CSGALNACT1: variants seen among roughly 807,000 people sequenced by gnomAD.
The protein encoded by CSGALNACT1 is chondroitin sulfate N-acetylgalactosaminyltransferase 1.
A neutral mutation model predicts 51.0 loss-of-function variants in CSGALNACT1; 52 were observed. The ratio of observed to expected loss-of-function variants is 1.02; its 90% CI spans 0.82 to 1.29. The LOEUF (loss-of-function observed/expected upper bound fraction) is 1.29. CSGALNACT1 is among the 50% of genes most tolerant of loss of function. The pLI, the probability that CSGALNACT1 is intolerant of heterozygous loss-of-function variation, is 0.00. For synonymous variants in CSGALNACT1, 341 were observed against 254.4 expected (o/e 1.34, Z -3.24); for missense variants, 935 against 679.2 (o/e 1.38, Z -4.19).
At chr8:19,450,886 G>A (rs1366521256) in intron 5 of CSGALNACT1, among the ~76,000 whole-genome samples, 2 of 151,632 alleles carry the variant, frequency 1.3e-5, no homozygotes, top group African/African-American at 4.9e-5. Context: ...CACCAGACTG[G>A]GCTACTGAGC....
chr8:19,406,030 T>C, exon 10 of CSGALNACT1: 5 of 1,614,198 alleles, frequency 3.1e-6, no homozygotes, highest in Non-Finnish European at 4.2e-6. Context: ...AAGGTGCACA[T>C]CCTCTCCGCC....
rs1196049691 is a variant in CSGALNACT1, at chr8:19,757,210, G to C, written c.-297+640C>G. On this transcript the variant is annotated intron_variant, in intron 1 of 1. Coordinates refer to the CSGALNACT1 transcript ENST00000517494. This position sits in a 1 kb window ranked among gnomAD's most constrained non-coding sequence, Gnocchi z 4.0. Reference sequence around the variant, plus strand: ...CCCGAAGCGCCCTGCTAGCTGCCCGGCCCGGCTCCGGCCGCTGCCGCCGTC... The same window carrying C: ...CCCGAAGCGCCCTGCTAGCTGCCCGCCCCGGCTCCGGCCGCTGCCGCCGTC... 6.7e-6 allele frequency: 1 copy of C among 149,686 alleles called. No homozygotes were observed. Among genetic ancestry groups the C allele is most frequent in the African/African-American group, 2.4e-5 (1 of 41,194 alleles). The allele number at this position is 149,686 out of a possible 1,614,324, so 9.3% of individuals were successfully genotyped here.
intron 1 of CSGALNACT1, among the ~76,000 whole-genome samples, chr8:19,709,568 G>A (rs1465052386): frequency 6.6e-6 from 1 of 152,186 alleles, no homozygotes; most frequent in African/African-American, 2.4e-5. Context: ...TTCCTACAGA[G>A]GGAACAGCAA....
At chr8:19,429,697 G>A (rs974541549) in intron 6 of CSGALNACT1, among the ~76,000 whole-genome samples, 6 of 152,216 alleles carry the variant, frequency 3.9e-5, no homozygotes, top group Non-Finnish European at 8.8e-5. Flanking sequence ...TTCATGTACA[G>A]TTATTTGTTT....
rs1441824144 is a variant in CSGALNACT1 at position 19,406,624 on chromosome 8, A to T, written c.1310-555T>A. Among the ~76,000 whole-genome samples the T allele has an allele frequency of 3.8e-4, 8 of 21,262 alleles. No individual in the cohort carries two copies. The East Asian group carries it at 0.039, about 105-fold the overall frequency. 13.9% of individuals were successfully genotyped at this position (21,262 alleles called of 152,430 possible). ...TAATAATTAAAAATAGAGGTTTCGT[A>T]AAAAAAAAAAAAAAAAAAAAAAAAA... On this transcript the variant is annotated intron_variant, in intron 9 of 9. Transcript: ENST00000454498.
At position 19,505,049 on chromosome 8, in the gene CSGALNACT1, G is replaced by C. The variant is rs117194398; in HGVS notation, c.634+152C>G. 6.0e-3 allele frequency: 4,508 copies of C among 747,434 alleles called. 26 individuals are homozygous for C. The highest frequency in any genetic ancestry group is 8.3e-3 in the Non-Finnish European group (3,640 of 439,696). The allele number at this position is 747,434 out of a possible 1,614,324, so 46.3% of individuals were successfully genotyped here. On this transcript the variant is annotated intron_variant, in intron 4 of 9. Transcript: ENST00000454498. ...AACAGATGTTTCTGAAAAATAAAAA[G>C]CCATGCCGTACCTTTTGGTGTCACA...
chr8:19,412,069 G>A (rs997815337), intron 8 of CSGALNACT1, among the ~76,000 whole-genome samples: 3 of 152,272 alleles, frequency 2.0e-5, no homozygotes, highest in African/African-American at 4.8e-5. Context: ...CTGACCTCAG[G>A]TGATCCACCT....
At chr8:19,605,155 C>T (rs1588976230), upstream of CSGALNACT1, among the ~76,000 whole-genome samples, 1 of 152,282 alleles carries the variant, frequency 6.6e-6, no homozygotes, top group East Asian at 1.9e-4. Flanking sequence ...TCCAGGAAAG[C>T]GACTGCAGTT....
At chr8:19,579,090 C>T (rs2044968782) in intron 3 of CSGALNACT1, among the ~76,000 whole-genome samples, 1 of 152,312 alleles carries the variant, frequency 6.6e-6, no homozygotes, top group East Asian at 1.9e-4. Context: ...CTATCCACCA[C>T]ACCCAGTCCA....
At chr8:19,575,647 G>T (rs2044028781) in intron 3 of CSGALNACT1, among the ~76,000 whole-genome samples, 1 of 152,194 alleles carries the variant, frequency 6.6e-6, no homozygotes, top group East Asian at 1.9e-4. Context: ...AGGATACTGA[G>T]AAATTTTGTT....
At chr8:19,755,454 G>GGCAAAAAAAGAAAAAAAAA (rs2065296626) in intron 1 of CSGALNACT1, among the ~76,000 whole-genome samples, 1 of 8,358 alleles carries the variant, frequency 1.2e-4, no homozygotes, top group Non-Finnish European at 2.8e-4. Flanking sequence ...TGTAAAGAAA[G>GGCAAAAAAAGAAAAAAAAA]ACAAAAAAAA....
chr8:19,546,097 A>T (rs974006966), intron 3 of CSGALNACT1, among the ~76,000 whole-genome samples: 4 of 152,076 alleles, frequency 2.6e-5, no homozygotes, highest in African/African-American at 9.7e-5. Context: ...TTTTATAAGG[A>T]AACAAGACTC....
At chr8:19,694,369 C>T (rs910954788) in intron 1 of CSGALNACT1, among the ~76,000 whole-genome samples, 2 of 152,214 alleles carry the variant, frequency 1.3e-5, no homozygotes, top group Non-Finnish European at 2.9e-5. Flanking sequence ...ACCCTCATTT[C>T]AAGTCTCGCA....
chr8:19,631,456 C>CTAAAA (rs756801008), intron 1 of CSGALNACT1, among the ~76,000 whole-genome samples: 2 of 152,132 alleles, frequency 1.3e-5, no homozygotes, highest in Non-Finnish European at 2.9e-5. Context: ...CTTTTCTAGA[C>CTAAAA]TAAAATAGAA....
chr8:19,712,497 A>T (rs1237149660), intron 1 of CSGALNACT1, among the ~76,000 whole-genome samples: 1 of 151,984 alleles, frequency 6.6e-6, no homozygotes, highest in African/African-American at 2.4e-5. Flanking sequence ...GCCACTGAGT[A>T]CTCTCTTCCT....
chr8:19,527,826 T>C (rs541276735), intron 3 of CSGALNACT1, among the ~76,000 whole-genome samples: 11 of 152,170 alleles, frequency 7.2e-5, no homozygotes, highest in Admixed American at 5.2e-4. Context: ...CTCAAGTGCC[T>C]CTGAAGCATC....
chr8:19,472,835 T>A (rs1412710750), intron 4 of CSGALNACT1, among the ~76,000 whole-genome samples: 3 of 152,226 alleles, frequency 2.0e-5, no homozygotes, highest in Non-Finnish European at 4.4e-5. Context: ...TTCATTGATA[T>A]CAATTTCTTT....
At chr8:19,649,818 G>GAAAA (rs1564347327) in intron 1 of CSGALNACT1, among the ~76,000 whole-genome samples, 1 of 1,554 alleles carries the variant, frequency 6.4e-4, no homozygotes. Flanking sequence ...ATTCCAAGTA[G>GAAAA]CAAAAAAAAA....
At chr8:19,510,132 G>T (rs1347309874) in intron 3 of CSGALNACT1, among the ~76,000 whole-genome samples, 1 of 152,072 alleles carries the variant, frequency 6.6e-6, no homozygotes, top group Non-Finnish European at 1.5e-5. Context: ...CTTACTAATT[G>T]TTTTGCCTAA....
Sources: allele counts gnomAD v4.1 joint callset (sites outside exome capture counted in the v4.1 genomes callset), GRCh38; gene constraint gnomAD v4.1.1; non-coding constraint Gnocchi (gnomAD v3.1); transcripts MANE v1.5; gene names NCBI Gene and HGNC (gene_info 2026-07-23, HGNC 2026-07-21).